Variants in CACNA2D3 observed in about 807,000 individuals in gnomAD.
CACNA2D3 encodes calcium voltage-gated channel auxiliary subunit alpha2delta 3, also known as voltage-dependent calcium channel subunit alpha-2/delta-3.
CACNA2D3 carries 60 observed loss-of-function variants against 160.6 expected under a neutral mutation model. That is an observed-to-expected ratio of 0.37 (90% CI 0.30 to 0.46). CACNA2D3 has a LOEUF of 0.46. Ranked by LOEUF, CACNA2D3 falls within the 20% of genes least tolerant of loss-of-function variation. The pLI is 1.00. For missense variants in CACNA2D3, 1,205 were observed against 1,365.0 expected (o/e 0.88, Z 1.85); for synonymous variants, 558 against 492.9 (o/e 1.13, Z -1.75).
intron 27 of CACNA2D3, among the ~76,000 whole-genome samples, chr3:54,954,984 A>G (rs914148876): frequency 6.6e-6 from 1 of 152,186 alleles, no homozygotes; most frequent in African/African-American, 2.4e-5. Flanking sequence ...GGCACCAGCT[A>G]TGCTTAGGGA....
At chr3:54,785,901 G>T (rs1559581176) in intron 13 of CACNA2D3, among the ~76,000 whole-genome samples, 1 of 152,114 alleles carries the variant, frequency 6.6e-6, no homozygotes. Context: ...CCTGTCTCCT[G>T]CCTGGAACAT....
rs199505220 is a variant in CACNA2D3 at position 54,683,947 on chromosome 3, TG to T, written c.1167+41707del. On this transcript the variant is annotated intron_variant, in intron 11 of 37. Coordinates refer to ENST00000474759, the MANE Select transcript of CACNA2D3 (RefSeq NM_018398.3). ...GTGGCCATCTTCCTCTGTGTGTCTG[TG>T]CCCAAATTTCCACCTTTTTTTTTTT... Among the ~76,000 whole-genome samples the T allele has an allele frequency of 7.6e-3, 1,096 of 145,106 alleles. 5 individuals are homozygous for T. Among genetic ancestry groups the T allele is most frequent in the South Asian group, 0.016 (72 of 4,388 alleles).
At chr3:54,584,047 A>T (rs1043557151) in intron 9 of CACNA2D3, among the ~76,000 whole-genome samples, 1 of 152,178 alleles carries the variant, frequency 6.6e-6, no homozygotes. Context: ...GCCAAATAAG[A>T]AGTTGATCTT....
chr3:54,493,060 CTTTTTTTTTTTTTTT>C (rs34225864), intron 4 of CACNA2D3, among the ~76,000 whole-genome samples: 9 of 58,770 alleles, frequency 1.5e-4, no homozygotes, highest in South Asian at 8.6e-4. Flanking sequence ...TTGCTCAAAA[CTTTTTTTTTTTTTTT>C]TTTTTTTTTT....
intron 2 of CACNA2D3, among the ~76,000 whole-genome samples, chr3:54,180,593 C>G (rs1272170389): frequency 6.6e-6 from 1 of 152,158 alleles, no homozygotes; most frequent in Non-Finnish European, 1.5e-5. Flanking sequence ...GTCAGTTCTC[C>G]CAGCTGCCAG....
rs188200972 is a variant in CACNA2D3 at position 54,653,060 on chromosome 3, G to A, written c.1167+10819G>A. Reference sequence around the variant, plus strand: ...GGTCTCCCAAAGTGCTGAGATTACAGGCATGAGCCACCGTGCCGGACATAT... The same window carrying A: ...GGTCTCCCAAAGTGCTGAGATTACAAGCATGAGCCACCGTGCCGGACATAT... On this transcript the variant is annotated intron_variant, in intron 11 of 37. Coordinates refer to ENST00000474759, the MANE Select transcript of CACNA2D3 (RefSeq NM_018398.3). 5.6e-3 allele frequency among the ~76,000 whole-genome samples: 852 copies of A among 152,258 alleles called. 4 individuals are homozygous for A. Among genetic ancestry groups the A allele is most frequent in the Middle Eastern group, 0.01 (3 of 294 alleles).
At chr3:54,566,911 G>C (rs1173652165) in intron 6 of CACNA2D3, among the ~76,000 whole-genome samples, 1 of 152,192 alleles carries the variant, frequency 6.6e-6, no homozygotes, top group African/African-American at 2.4e-5. Flanking sequence ...CTAGTATCAA[G>C]TTCAGGTTCT....
intron 2 of CACNA2D3, among the ~76,000 whole-genome samples, chr3:54,171,991 C>T (rs1700580640): frequency 6.6e-6 from 1 of 152,242 alleles, no homozygotes; most frequent in South Asian, 2.1e-4. Context: ...CTGGCCATCT[C>T]CTCTAAATGG....
At chr3:54,815,267 G>T (rs927549645) in intron 13 of CACNA2D3, among the ~76,000 whole-genome samples, 2 of 152,132 alleles carry the variant, frequency 1.3e-5, no homozygotes, top group African/African-American at 4.8e-5. Context: ...AGATAAAAGT[G>T]TTGGAAATTG....
At chr3:54,769,444 T>C (rs1259521441) in intron 13 of CACNA2D3, among the ~76,000 whole-genome samples, 3 of 152,326 alleles carry the variant, frequency 2.0e-5, no homozygotes, top group East Asian at 3.9e-4. Flanking sequence ...TACCTTAGTT[T>C]ATTCACTAAG....
intron 11 of CACNA2D3, among the ~76,000 whole-genome samples, chr3:54,733,419 A>T (rs1449018943): frequency 3.9e-5 from 6 of 152,210 alleles, no homozygotes; most frequent in African/African-American, 1.4e-4. Flanking sequence ...GTACCAGGAT[A>T]AGCAGATCAG....
In CACNA2D3 at chr3:55,074,210, TG is replaced by T; in HGVS notation, c.*5del. The stretch of plus-strand genomic sequence containing the variant: ...TTTGATGCTCTTCTCAAGGTGACAC[TG>T]ACTGAGATGTTCTCTTACTGACTGA... On this transcript the variant is annotated 3_prime_UTR_variant, in exon 38 of 38. Coordinates refer to ENST00000474759, the MANE Select transcript of CACNA2D3 (RefSeq NM_018398.3). 9.8e-7 allele frequency: 1 copy of T among 1,022,600 alleles called. No individual in the cohort carries two copies. The highest frequency in any genetic ancestry group is 1.4e-6 in the Non-Finnish European group (1 of 712,202). 63.3% of individuals were successfully genotyped at this position (1,022,600 alleles called of 1,614,324 possible). A position where few individuals can be genotyped will look rare whatever the true frequency, so the allele number is the denominator to read the frequency against.
At chr3:54,401,785 A>C (rs1699470264) in intron 4 of CACNA2D3, among the ~76,000 whole-genome samples, 1 of 152,194 alleles carries the variant, frequency 6.6e-6, no homozygotes, top group Non-Finnish European at 1.5e-5. Context: ...AAAGGATGTG[A>C]ATTACTAATG....
intron 2 of CACNA2D3, among the ~76,000 whole-genome samples, chr3:54,212,080 A>C (rs1205736865): frequency 6.6e-6 from 1 of 152,188 alleles, no homozygotes; most frequent in African/African-American, 2.4e-5. Context: ...AATCCTGACC[A>C]ATAGTTACTA....
At chr3:54,915,060 C>A (rs938913903) in intron 27 of CACNA2D3, among the ~76,000 whole-genome samples, 1 of 152,156 alleles carries the variant, frequency 6.6e-6, no homozygotes, top group African/African-American at 2.4e-5. Context: ...TTTGCACAGA[C>A]CTTCAGGAAG....
chr3:54,185,223 G>T (rs1056901215), intron 2 of CACNA2D3, among the ~76,000 whole-genome samples: 3 of 152,162 alleles, frequency 2.0e-5, no homozygotes, highest in Non-Finnish European at 4.4e-5. Context: ...GCTCTGCTTT[G>T]CCCTGACACA....
At chr3:54,962,551 T>C (rs1250374223) in intron 27 of CACNA2D3, among the ~76,000 whole-genome samples, 1 of 152,236 alleles carries the variant, frequency 6.6e-6, no homozygotes, top group Non-Finnish European at 1.5e-5. Flanking sequence ...CACTGATTTT[T>C]GTCCCACAAA....
intron 31 of CACNA2D3, among the ~76,000 whole-genome samples, chr3:54,989,301 T>C (rs1251353633): frequency 6.6e-6 from 1 of 152,240 alleles, no homozygotes; most frequent in African/African-American, 2.4e-5. Flanking sequence ...AAGGGTGTAA[T>C]GGAATTTTGA....
intron 4 of CACNA2D3, among the ~76,000 whole-genome samples, chr3:54,457,623 A>AATT (rs2106832652): frequency 6.6e-6 from 1 of 152,134 alleles, no homozygotes; most frequent in East Asian, 1.9e-4. Context: ...TTTTCTGTAT[A>AATT]GATGATCTGT....
Sources: gnomAD v4.1 joint callset for allele counts (sites outside exome capture counted in the v4.1 genomes callset) on GRCh38, gnomAD v4.1.1 for gene constraint, MANE v1.5 for transcripts, NCBI Gene and HGNC (gene_info 2026-07-23, HGNC 2026-07-21) for gene names.